SMG7: variants seen among roughly 807,000 people sequenced by gnomAD.
SMG7 encodes the protein nonsense-mediated mRNA decay factor SMG7.
A neutral mutation model predicts 148.2 loss-of-function variants in SMG7; 34 were observed. The ratio of observed to expected loss-of-function variants is 0.23; its 90% confidence interval spans 0.17 to 0.31. The LOEUF (loss-of-function observed/expected upper bound fraction) is 0.31, where lower values mean the gene tolerates loss of function less well. Ranked by LOEUF, SMG7 falls within the 10% of genes least tolerant of loss-of-function variation. SMG7 has a pLI of 1.00. For synonymous variants in SMG7, 492 were observed against 515.1 expected, an observed-to-expected ratio of 0.96 and a Z score of 0.61; for missense variants, 1,114 against 1,408.4, an observed-to-expected ratio of 0.79 and a Z score of 3.35.
chr1:183,521,141 A>G (rs1380332414), intron 4 of SMG7, among the ~76,000 whole-genome samples: 1 of 149,580 alleles, frequency 6.7e-6, no homozygotes, highest in African/African-American at 2.5e-5. Context: ...GTGCAGTGGC[A>G]CAATCTCTGC....
Position 183,476,147 on chromosome 1 carries a change from G to A in SMG7, c.29+3498G>A, listed in dbSNP as rs141653236. Among the ~76,000 whole-genome samples, 336 of 152,294 alleles carry A rather than the reference G, an allele frequency of 2.2e-3. 2 individuals are homozygous for A. Among genetic ancestry groups the A allele is most frequent in the African/African-American group, 7.6e-3 (314 of 41,546 alleles). ...GTCTGCAGTGGGGACACTAGAGAAT[G>A]TCTTTAGGGAAGCATTATGTTCACG... On this transcript the variant is annotated intron_variant, in intron 1 of 22. Coordinates refer to ENST00000688051, the MANE Select transcript of SMG7 (RefSeq NM_001375584.1).
chr1:183,516,520 T>G (rs973398398), intron 3 of SMG7, among the ~76,000 whole-genome samples: 1 of 152,212 alleles, frequency 6.6e-6, no homozygotes, highest in African/African-American at 2.4e-5. Flanking sequence ...CTTCTTTCTA[T>G]AAGGGGCAAA....
intron 10 of SMG7, among the ~76,000 whole-genome samples, chr1:183,534,918 T>A (rs1000083747): frequency 6.6e-6 from 1 of 152,056 alleles, no homozygotes; most frequent in Non-Finnish European, 1.5e-5. Context: ...AGTTATAAGC[T>A]CTTTCCATGA....
In SMG7 at chr1:183,542,438, C is replaced by G. The variant is rs750369379; in HGVS notation, c.1778C>G (p.Thr593Ser). The change falls in exon 14 of 23, where the codon ACT becomes AGT. Residue 593 changes from threonine (T) to serine (S), a missense_variant. Physicochemically the swap from Thr to Ser is moderately conservative, Grantham distance 58. This residue lies in a region of SMG7 where 788 missense variants were observed against 894.5 expected (regional missense o/e 0.88). Coordinates refer to ENST00000688051, the MANE Select transcript of SMG7 (RefSeq NM_001375584.1). ...DGKKDNNKRK[T>S]ETKKCTLEKL... ...AAGAAGGACAACAACAAGAGGAAAACTGAAACCAAGAAATGCACCTTAGAA... is the reference window on the plus strand; with the variant it reads ...AAGAAGGACAACAACAAGAGGAAAAGTGAAACCAAGAAATGCACCTTAGAA... 6.2e-7 allele frequency: 1 copy of G among 1,613,966 alleles called. No homozygotes were observed. The highest frequency in any genetic ancestry group is 1.7e-5 in the Admixed American group (1 of 60,012).
chr1:183,536,496 C>CT (rs1409541024), intron 10 of SMG7, among the ~76,000 whole-genome samples: 1 of 152,042 alleles, frequency 6.6e-6, no homozygotes, highest in Non-Finnish European at 1.5e-5. Flanking sequence ...ATAATGGAAA[C>CT]TTTAACATAC....
At chr1:183,484,699 G>T (rs979556050) in intron 1 of SMG7, among the ~76,000 whole-genome samples, 2 of 151,978 alleles carry the variant, frequency 1.3e-5, no homozygotes, top group Non-Finnish European at 2.9e-5. Context: ...GGCCATATAG[G>T]TATATCCTTT....
At chr1:183,537,277 GCCA>G in intron 11 of SMG7, 62 bp downstream of exon 11, 1 of 1,235,520 alleles carries the variant, frequency 8.1e-7, no homozygotes. Context: ...GTGGCTTAAT[GCCA>G]GAGAAAAAGA....
intron 14 of SMG7, among the ~76,000 whole-genome samples, chr1:183,543,283 A>G (rs1253690875): frequency 6.6e-6 from 1 of 152,212 alleles, no homozygotes; most frequent in Non-Finnish European, 1.5e-5. Flanking sequence ...CATTTTAGCA[A>G]ATGTATGTGT....
chr1:183,552,030 T>C lies in SMG7; in HGVS notation c.*99T>C, dbSNP rs1304077473. On this transcript the variant is annotated 3_prime_UTR_variant, in exon 23 of 23. Transcript: ENST00000688051. ...GTCCCCTGCAGGTGGCAGCCCTCTT[T>C]TCTGTTTCTCGCTGTCAAGAGGGTG... 1.3e-5 allele frequency: 19 copies of C among 1,412,972 alleles called. No homozygotes were observed. Among genetic ancestry groups the C allele is most frequent in the Middle Eastern group, 2.6e-4 (1 of 3,866 alleles). 87.5% of individuals were successfully genotyped at this position (1,412,972 alleles called of 1,614,324 possible).
chr1:183,539,799 G>A (rs886592240), intron 12 of SMG7, among the ~76,000 whole-genome samples: 5 of 152,104 alleles, frequency 3.3e-5, no homozygotes, highest in African/African-American at 9.7e-5. Flanking sequence ...AAGTCCTTCC[G>A]TTTATTTCCC....
intron 21 of SMG7, 56 bp downstream of exon 21, chr1:183,550,977 C>T: frequency 2.5e-6 from 4 of 1,613,512 alleles, no homozygotes; most frequent in Non-Finnish European, 3.4e-6. Flanking sequence ...CTATCCTTCC[C>T]TGGGGTCTGG....
rs1193615626 is a variant in SMG7, at chr1:183,527,447, C to G, written c.485-509C>G. Among the ~76,000 whole-genome samples the G allele has an allele frequency of 6.6e-6, 1 of 152,116 alleles. No individual in the cohort carries two copies. The highest frequency in any genetic ancestry group is 2.4e-5 in the African/African-American group (1 of 41,414). ...ACATCAGAGTAAGCAGTGAGTTTGG[C>G]AGGGAGATTCATTGATACTGTGTTT... is the stretch of plus-strand genomic sequence containing the variant. On this transcript the variant is annotated intron_variant, in intron 5 of 22. Coordinates refer to ENST00000688051, the MANE Select transcript of SMG7 (RefSeq NM_001375584.1). This position sits in a 1 kb window ranked among gnomAD's most constrained non-coding sequence, Gnocchi z 4.0.
In SMG7 at chr1:183,480,997, A is replaced by G. The variant is rs958721629; in HGVS notation, c.29+8348A>G. Among the ~76,000 whole-genome samples, 9 of 152,312 alleles carry G rather than the reference A, an allele frequency of 5.9e-5. 1 individual carries two copies. The highest frequency in any genetic ancestry group is 2.6e-4 in the Admixed American group (4 of 15,284). ...AACAAAGGTTTACATGTGTTTAACAAATTCTGGTTCTTTTTCAGGTTCTTT... is the reference window on the plus strand; with the variant it reads ...AACAAAGGTTTACATGTGTTTAACAGATTCTGGTTCTTTTTCAGGTTCTTT... On this transcript the variant is annotated intron_variant, in intron 1 of 22. Coordinates refer to ENST00000688051, the MANE Select transcript of SMG7 (RefSeq NM_001375584.1).
Position 183,538,399 on chromosome 1 carries a change from G to T in SMG7, c.1254G>T (p.Glu418Asp), listed in dbSNP as rs758909393. The T allele has an allele frequency of 1.9e-6, 3 of 1,613,362 alleles. No homozygotes were observed. In the Admixed American group the frequency reaches 5.0e-5, roughly 27 times the overall value. Residue 418 changes from glutamate (E) to aspartate (D), a missense_variant, in exon 12 of 23, where the codon GAG becomes GAT. Physicochemically the swap from Glu to Asp is conservative, Grantham distance 45. This residue lies in a region of SMG7 where 102 missense variants were observed against 147.2 expected (regional missense o/e 0.69). Coordinates refer to ENST00000688051, the MANE Select transcript of SMG7 (RefSeq NM_001375584.1). Reference sequence around the variant, plus strand: ...CTTTAGCGACACCACTTCCAGAGGAGTTTGAATTACAAGGATTTTTGGCAT... The same window carrying T: ...CTTTAGCGACACCACTTCCAGAGGATTTTGAATTACAAGGATTTTTGGCAT... Reference protein sequence around the residue: ...SSISATPLPEEFELQGFLALR... With the variant: ...SSISATPLPEDFELQGFLALR...
At chr1:183,539,360 T>C (rs1668377712) in intron 12 of SMG7, among the ~76,000 whole-genome samples, 1 of 152,182 alleles carries the variant, frequency 6.6e-6, no homozygotes, top group Non-Finnish European at 1.5e-5. Context: ...ATGCAATTTT[T>C]CCCACCCTTA....
At chr1:183,542,007 C>T (rs1303841838) in intron 13 of SMG7, 69 bp from the exon 14 acceptor site, 1 of 1,279,808 alleles carries the variant, frequency 7.8e-7, no homozygotes, top group South Asian at 1.4e-5. Flanking sequence ...GACTTGGATC[C>T]ACACACAATT....
At chr1:183,539,723 C>G in intron 12 of SMG7, among the ~76,000 whole-genome samples, 1 of 152,240 alleles carries the variant, frequency 6.6e-6, no homozygotes, top group South Asian at 2.1e-4. Context: ...TCTGAAAAAC[C>G]CTTGTTTCTA....
At chr1:183,541,943 A>G in intron 13 of SMG7, 133 bp from the exon 14 acceptor site, 4 of 727,134 alleles carry the variant, frequency 5.5e-6, no homozygotes, top group Non-Finnish European at 6.6e-6. Flanking sequence ...TGTTACCTGA[A>G]TCCACATTGT....
chr1:183,524,517 C>T (rs564519923), intron 4 of SMG7, among the ~76,000 whole-genome samples: 7 of 152,028 alleles, frequency 4.6e-5, no homozygotes, highest in South Asian at 2.1e-4. Context: ...AGAAAGGGTG[C>T]GCAGAATTTA....
Sources: gnomAD v4.1 joint callset for allele counts (sites outside exome capture counted in the v4.1 genomes callset) on GRCh38, gnomAD v4.1.1 for gene constraint, gnomAD v4.1.1 regional missense constraint, Gnocchi (gnomAD v3.1) non-coding constraint, MANE v1.5 for transcripts, NCBI Gene and HGNC (gene_info 2026-07-23, HGNC 2026-07-21) for gene names.